The following THEM4 variants were observed in gnomAD, a reference collection of about 807,000 sequenced individuals.
The protein encoded by THEM4 is thioesterase superfamily member 4.
Under a neutral mutation model 25.0 loss-of-function variants are expected in THEM4, and 22 were observed. The ratio of observed to expected loss-of-function variants is 0.88; its 90% confidence interval spans 0.63 to 1.26. The LOEUF is 1.26. Among genes scored for constraint, THEM4 ranks in the 50% most tolerant of loss-of-function variants. The pLI is 0.00. For synonymous variants in THEM4, 113 were observed against 105.6 expected, an observed-to-expected ratio of 1.07 and a Z score of -0.43; for missense variants, 286 against 300.3, an observed-to-expected ratio of 0.95 and a Z score of 0.35.
chr1:151,897,883 T>C (rs1483877806), intron 1 of THEM4, among the ~76,000 whole-genome samples: 2 of 143,950 alleles, frequency 1.4e-5, no homozygotes, highest in Non-Finnish European at 3.0e-5. Context: ...TGAGTCAAGT[T>C]AGAGAGCTAA....
intron 4 of THEM4, among the ~76,000 whole-genome samples, chr1:151,880,982 G>A (rs924183560): frequency 6.6e-6 from 1 of 151,424 alleles, no homozygotes; most frequent in Non-Finnish European, 1.5e-5. Flanking sequence ...CTACTTGTTT[G>A]ATCTTGTATT....
At chr1:151,890,291 GT>G (rs113477695) in intron 2 of THEM4, 27 of 417,584 alleles carry the variant, frequency 6.5e-5, no homozygotes, top group Non-Finnish European at 8.8e-5. Context: ...TTTAGACACA[GT>G]TTTTTTTCAC....
At chr1:151,881,989 T>C (rs1241529542) in intron 4 of THEM4, among the ~76,000 whole-genome samples, 6 of 152,232 alleles carry the variant, frequency 3.9e-5, no homozygotes, top group Non-Finnish European at 7.3e-5. Context: ...ATGCTCTCTA[T>C]ATTTCCCATT....
Position 151,888,387 on chromosome 1 carries a change from G to C in THEM4, c.447-4C>G. 6.2e-7 allele frequency: 1 copy of C among 1,605,392 alleles called. No individual in the cohort carries two copies. Among genetic ancestry groups the C allele is most frequent in the Non-Finnish European group, 8.5e-7 (1 of 1,173,820 alleles). On this transcript the variant is annotated splice_polypyrimidine_tract_variant and splice_region_variant and intron_variant, in intron 3 of 5. Coordinates refer to ENST00000368814, the MANE Select transcript of THEM4 (RefSeq NM_053055.5). ...AATGGCACCTCCATGAATGAATCTA[G>C]TTACAACAGGAGTGGAGGAGAAATG...
At chr1:151,897,327 CAG>C (rs1423363463) in intron 1 of THEM4, among the ~76,000 whole-genome samples, 1 of 152,222 alleles carries the variant, frequency 6.6e-6, no homozygotes, top group African/African-American at 2.4e-5. Flanking sequence ...TTTCTGCTGA[CAG>C]GGGCTGGCTC....
At chr1:151,907,962 G>C (rs1383951678) in intron 1 of THEM4, among the ~76,000 whole-genome samples, 1 of 152,142 alleles carries the variant, frequency 6.6e-6, no homozygotes, top group Non-Finnish European at 1.5e-5. Flanking sequence ...GCTCCAAGGC[G>C]CCGGCATGGC....
Position 151,873,852 on chromosome 1 carries a change from T to C in THEM4, c.*1036A>G, listed in dbSNP as rs541495507. On this transcript the variant is annotated 3_prime_UTR_variant, in exon 6 of 6. Coordinates refer to ENST00000368814, the MANE Select transcript of THEM4 (RefSeq NM_053055.5). ...CAGGAGGGAGGCGTGGACAGCTCCT[T>C]CCCTAGCACTTTCAGGAGAATGGCC... is the stretch of plus-strand genomic sequence containing the variant. 6.6e-6 allele frequency: 1 copy of C among 152,174 alleles called. No homozygotes were observed. Among genetic ancestry groups the C allele is most frequent in the Non-Finnish European group, 1.5e-5 (1 of 68,052 alleles). 9.4% of individuals were successfully genotyped at this position (152,174 alleles called of 1,614,324 possible). A position where few individuals can be genotyped will look rare whatever the true frequency, so the allele number is the denominator to read the frequency against.
In THEM4 at chr1:151,901,686, T is replaced by C. The variant is rs112425880; in HGVS notation, c.100-6492A>G. Among the ~76,000 whole-genome samples the C allele has an allele frequency of 9.0e-3, 1,367 of 151,778 alleles. 30 individuals carry two copies. Among genetic ancestry groups the C allele is most frequent in the African/African-American group, 0.032 (1,315 of 41,358 alleles). ...GGCAAAACCCAGTCTCTACTAAAAATACAAAAATCAGCCAGGAGTGGTGGC... is the reference window on the plus strand; with the variant it reads ...GGCAAAACCCAGTCTCTACTAAAAACACAAAAATCAGCCAGGAGTGGTGGC... On this transcript the variant is annotated intron_variant, in intron 1 of 5. Transcript: ENST00000368814.
chr1:151,904,431 T>C (rs762013554), intron 1 of THEM4, among the ~76,000 whole-genome samples: 1 of 152,240 alleles, frequency 6.6e-6, no homozygotes, highest in Non-Finnish European at 1.5e-5. Flanking sequence ...CCAATGTTAT[T>C]ACATAGGATT....
chr1:151,907,275 A>G (rs1159717207), intron 1 of THEM4, among the ~76,000 whole-genome samples: 1 of 152,218 alleles, frequency 6.6e-6, no homozygotes, highest in African/African-American at 2.4e-5. Context: ...GAACATCAGA[A>G]GGAACAAACG....
Position 151,874,656 on chromosome 1 carries a change from T to C in THEM4, c.*232A>G, listed in dbSNP as rs1030662668. The stretch of plus-strand genomic sequence containing the variant: ...TCCTAAAGTGCTGGGATTATAGGTG[T>C]GAGCCACAGCGCCTGGCCCGAGAGT... On this transcript the variant is annotated 3_prime_UTR_variant, in exon 6 of 6. Coordinates refer to ENST00000368814, the MANE Select transcript of THEM4 (RefSeq NM_053055.5). 1.0e-5 allele frequency: 6 copies of C among 584,612 alleles called. No homozygotes were observed. The African/African-American group carries it at 1.1e-4, about 11-fold the overall frequency. The allele number at this position is 584,612 out of a possible 1,614,324, so 36.2% of individuals were successfully genotyped here.
intron 4 of THEM4, among the ~76,000 whole-genome samples, chr1:151,882,751 G>A (rs1470154229): frequency 6.6e-6 from 1 of 152,126 alleles, no homozygotes; most frequent in African/African-American, 2.4e-5. Context: ...CACCATCACC[G>A]AGCATATGGA....
intron 1 of THEM4, 125 bp from the exon 2 acceptor site, chr1:151,895,319 G>T: frequency 1.2e-6 from 1 of 843,346 alleles, no homozygotes; most frequent in Non-Finnish European, 1.8e-6. Flanking sequence ...ACTTCAAAAT[G>T]GAAGGGAATT....
intron 1 of THEM4, among the ~76,000 whole-genome samples, chr1:151,907,076 G>A (rs149817757): frequency 1.3e-5 from 2 of 151,926 alleles, no homozygotes; most frequent in African/African-American, 4.8e-5. Flanking sequence ...TTTATGAGCT[G>A]TAACACTCAC....
At chr1:151,878,889 T>TACACAC (rs144026658) in intron 4 of THEM4, among the ~76,000 whole-genome samples, 7,632 of 127,610 alleles carry the variant, frequency 0.06, 711 homozygotes, top group African/African-American at 0.16. Flanking sequence ...TGTATATGTC[T>TACACAC]ATACACACAC....
At chr1:151,903,635 CA>C (rs543899346) in intron 1 of THEM4, among the ~76,000 whole-genome samples, 14 of 152,184 alleles carry the variant, frequency 9.2e-5, no homozygotes, top group Non-Finnish European at 1.3e-4. Context: ...AGTAACCCAA[CA>C]AGACAATTCA....
chr1:151,881,909 T>C (rs1193408505), intron 4 of THEM4, among the ~76,000 whole-genome samples: 1 of 152,200 alleles, frequency 6.6e-6, no homozygotes, highest in Admixed American at 6.5e-5. Context: ...TCTCTTCAAT[T>C]CTCTTTATTC....
At chr1:151,891,068 T>C (rs1654082487) in intron 2 of THEM4, 7 of 152,260 alleles carry the variant, frequency 4.6e-5, no homozygotes, top group Admixed American at 4.6e-4. Flanking sequence ...CAAAAGCTAC[T>C]ACTCTCAAGA....
At chr1:151,894,198 A>G (rs1288523743) in intron 2 of THEM4, among the ~76,000 whole-genome samples, 1 of 152,156 alleles carries the variant, frequency 6.6e-6, no homozygotes, top group Non-Finnish European at 1.5e-5. Context: ...AAAAAAACCA[A>G]CCACCACCTA....
Sources: allele counts gnomAD v4.1 joint callset (sites outside exome capture counted in the v4.1 genomes callset), GRCh38; gene constraint gnomAD v4.1.1; transcripts MANE v1.5; gene names NCBI Gene and HGNC (gene_info 2026-07-23, HGNC 2026-07-21).